The following PDS5A variants were observed in gnomAD, a reference collection of about 807,000 sequenced individuals.
PDS5A encodes the protein sister chromatid cohesion protein PDS5 homolog A.
PDS5A carries 42 observed loss-of-function variants against 167.1 expected under a neutral mutation model. That is an observed-to-expected ratio of 0.25 (90% CI 0.20 to 0.33). The LOEUF (loss-of-function observed/expected upper bound fraction) is 0.33. Ranked by LOEUF, PDS5A falls within the 10% of genes least tolerant of loss-of-function variation. The pLI is 1.00. For synonymous variants in PDS5A, 553 were observed against 554.6 expected (o/e 1.00, Z 0.04); for missense variants, 1,033 against 1,605.9 (o/e 0.64, Z 6.10).
chr4:39,924,946 T>C lies in PDS5A; in HGVS notation c.527+890A>G, dbSNP rs923066147. Among the ~76,000 whole-genome samples the C allele has an allele frequency of 2.6e-5, 4 of 152,072 alleles. No homozygotes were observed. The East Asian group carries it at 5.8e-4, about 22-fold the overall frequency. Reference sequence around the variant, plus strand: ...GGCCAACATGGCAAAACTCTATCTCTACTAAAAATACAAAAATTAGCCGGG... The same window carrying C: ...GGCCAACATGGCAAAACTCTATCTCCACTAAAAATACAAAAATTAGCCGGG... On this transcript the variant is annotated intron_variant, in intron 5 of 32. Coordinates refer to ENST00000303538, the MANE Select transcript of PDS5A (RefSeq NM_001100399.2).
intron 2 of PDS5A, among the ~76,000 whole-genome samples, chr4:39,956,490 CA>C (rs71194945): frequency 0.43 from 39,934 of 92,316 alleles, 5,127 homozygotes; most frequent in Middle Eastern, 0.55. Context: ...GAGACTGTCT[CA>C]AAAAAAAAAA....
At chr4:39,934,782 T>C (rs1458283170) in intron 2 of PDS5A, among the ~76,000 whole-genome samples, 1 of 151,984 alleles carries the variant, frequency 6.6e-6, no homozygotes, top group East Asian at 1.9e-4. Context: ...CTATAAATAT[T>C]TTTTTGAGAC....
At chr4:39,860,221 C>T (rs1177208629) in intron 26 of PDS5A, among the ~76,000 whole-genome samples, 7 of 152,048 alleles carry the variant, frequency 4.6e-5, no homozygotes, top group African/African-American at 1.2e-4. Flanking sequence ...CCCAGCACTT[C>T]GGAAGGCCCA....
chr4:39,973,873 C>G (rs1730812102), intron 2 of PDS5A: 1 of 791,528 alleles, frequency 1.3e-6, no homozygotes, highest in African/African-American at 1.7e-5. Flanking sequence ...CGCCTGTAAT[C>G]CCAGCACTTT....
At chr4:39,970,104 C>T (rs1010434989) in intron 2 of PDS5A, among the ~76,000 whole-genome samples, 21 of 152,016 alleles carry the variant, frequency 1.4e-4, no homozygotes, top group Middle Eastern at 3.4e-3. Context: ...CCCACCTTGG[C>T]CTCCCAAAGT....
chr4:39,882,874 A>T (rs760602633), intron 17 of PDS5A, among the ~76,000 whole-genome samples: 1 of 152,164 alleles, frequency 6.6e-6, no homozygotes, highest in Non-Finnish European at 1.5e-5. Flanking sequence ...GCCTCTTCAA[A>T]ACTGCTTGGG....
chr4:39,886,556 A>C (rs1721492629), intron 17 of PDS5A, among the ~76,000 whole-genome samples: 1 of 152,014 alleles, frequency 6.6e-6, no homozygotes, highest in South Asian at 2.1e-4. Context: ...TCTACTAAAA[A>C]TACAAAATTA....
chr4:39,920,080 A>C (rs910251868), intron 7 of PDS5A, among the ~76,000 whole-genome samples: 1 of 152,166 alleles, frequency 6.6e-6, no homozygotes, highest in Non-Finnish European at 1.5e-5. Flanking sequence ...CAATGAAATA[A>C]ACATAAATAC....
chr4:39,833,596 C>T (rs1716126036), intron 32 of PDS5A, among the ~76,000 whole-genome samples: 1 of 152,032 alleles, frequency 6.6e-6, no homozygotes, highest in African/African-American at 2.4e-5. Flanking sequence ...TGCCATATCG[C>T]CCAGGCTGGT....
chr4:39,890,473 T>C (rs919245240), intron 16 of PDS5A, 109 bp from the exon 17 acceptor site: 1 of 662,204 alleles, frequency 1.5e-6, no homozygotes, highest in East Asian at 2.7e-5. Context: ...TGGTTAAGAA[T>C]TGTCTGCTCT....
chr4:39,926,374 C>T (rs570361940), intron 4 of PDS5A, among the ~76,000 whole-genome samples: 59 of 151,824 alleles, frequency 3.9e-4, no homozygotes, highest in Non-Finnish European at 7.4e-4. Flanking sequence ...CAAAATTAGC[C>T]GTGCGTGGTG....
At chr4:39,838,709 G>A (rs976593001) in intron 31 of PDS5A, among the ~76,000 whole-genome samples, 1 of 151,570 alleles carries the variant, frequency 6.6e-6, no homozygotes, top group Non-Finnish European at 1.5e-5. Flanking sequence ...GGTGACAGAG[G>A]GAGATCTTAT....
At chr4:39,839,760 G>C (rs944902254) in intron 31 of PDS5A, among the ~76,000 whole-genome samples, 2 of 147,678 alleles carry the variant, frequency 1.4e-5, no homozygotes, top group Non-Finnish European at 3.0e-5. Flanking sequence ...ATTCTGGGGG[G>C]GGGGGGCAGG....
At chr4:39,859,967 C>T (rs562933401) in intron 26 of PDS5A, among the ~76,000 whole-genome samples, 3 of 152,232 alleles carry the variant, frequency 2.0e-5, no homozygotes, top group Non-Finnish European at 2.9e-5. Flanking sequence ...GGTGTGGTGG[C>T]TCATGCCTGT....
chr4:39,886,134 G>T (rs1379383657), intron 17 of PDS5A, among the ~76,000 whole-genome samples: 1 of 152,114 alleles, frequency 6.6e-6, no homozygotes, highest in Non-Finnish European at 1.5e-5. Flanking sequence ...GGCCAAAAAA[G>T]CACCAATATG....
intron 7 of PDS5A, among the ~76,000 whole-genome samples, chr4:39,919,576 C>T (rs1041273659): frequency 2.6e-5 from 4 of 152,074 alleles, no homozygotes; most frequent in East Asian, 1.9e-4. Context: ...ACCCGGGAGG[C>T]GGAGCTTGCA....
intron 17 of PDS5A, among the ~76,000 whole-genome samples, chr4:39,884,838 A>G (rs1361445272): frequency 6.6e-6 from 1 of 152,154 alleles, no homozygotes; most frequent in African/African-American, 2.4e-5. Context: ...TACAATGACT[A>G]CTTCATTTTC....
chr4:39,948,210 C>CAAAAAAAAAAAAAAA (rs35177594), intron 2 of PDS5A, among the ~76,000 whole-genome samples: 1 of 96,456 alleles, frequency 1.0e-5, no homozygotes, highest in African/African-American at 4.1e-5. Flanking sequence ...TATCCCGTCT[C>CAAAAAAAAAAAAAAA]AAAAAAAAAA....
At chr4:39,968,587 C>T (rs1320667967) in intron 2 of PDS5A, among the ~76,000 whole-genome samples, 10 of 151,744 alleles carry the variant, frequency 6.6e-5, no homozygotes, top group Admixed American at 6.6e-4. Flanking sequence ...CATGCGCCAC[C>T]ACACCCGGCT....
Sources: gnomAD v4.1 joint callset for allele counts (sites outside exome capture counted in the v4.1 genomes callset) on GRCh38, gnomAD v4.1.1 for gene constraint, MANE v1.5 for transcripts, NCBI Gene and HGNC (gene_info 2026-07-23, HGNC 2026-07-21) for gene names.